Variants in ABR observed in about 807,000 individuals in gnomAD.
ABR encodes the protein ABR activator of RhoGEF and GTPase, also known as active breakpoint cluster region-related protein.
ABR carries 35 observed loss-of-function variants against 107.2 expected under a neutral mutation model. The observed-to-expected ratio is 0.33, with a 90% confidence interval of 0.25 to 0.43. The LOEUF is 0.43. Ranked by LOEUF, ABR falls within the 20% of genes least tolerant of loss-of-function variation. The probability of loss-of-function intolerance (pLI) is 1.00; values close to 1 mark genes in which losing one functional copy is unlikely to be tolerated. For synonymous variants in ABR, 498 were observed against 462.0 expected (o/e 1.08, Z -1.00); for missense variants, 815 against 1,115.2 (o/e 0.73, Z 3.83).
intron 10 of ABR, among the ~76,000 whole-genome samples, chr17:1,063,465 C>G (rs1317087251): frequency 5.4e-5 from 8 of 149,288 alleles, no homozygotes; most frequent in Non-Finnish European, 1.1e-4. Context: ...GCATGTTCCT[C>G]TAGACGCTGT....
chr17:1,195,037 G>T (rs1458530937), intron 1 of ABR, among the ~76,000 whole-genome samples: 1 of 147,662 alleles, frequency 6.8e-6, no homozygotes, highest in African/African-American at 2.5e-5. Flanking sequence ...GCCAGGCGCG[G>T]TGGCTCACGC....
intron 2 of ABR, among the ~76,000 whole-genome samples, chr17:1,104,348 T>C (rs2038103693): frequency 6.6e-6 from 1 of 151,446 alleles, no homozygotes; most frequent in Non-Finnish European, 1.5e-5. Flanking sequence ...CTCCACAGAG[T>C]TGAGAGGCTA....
chr17:1,157,444 T>A lies in ABR; in HGVS notation c.61+22223A>T, dbSNP rs1055867939. 2.0e-5 allele frequency among the ~76,000 whole-genome samples: 3 copies of A among 152,034 alleles called. No individual in the cohort carries two copies. The highest frequency in any genetic ancestry group is 2.1e-4 in the South Asian group (1 of 4,824). ...TTTTATATTTTTAATAGAGACAGGG[T>A]CTCACCATGTTGGCCAGGCTGGTCT... On this transcript the variant is annotated intron_variant, in intron 1 of 22. Transcript: ENST00000302538. This position sits in a 1 kb window ranked among gnomAD's most constrained non-coding sequence, Gnocchi z 4.7.
intron 2 of ABR, among the ~76,000 whole-genome samples, chr17:1,101,958 C>T (rs1209497809): frequency 6.6e-6 from 1 of 152,116 alleles, no homozygotes; most frequent in East Asian, 1.9e-4. Context: ...TGGTCTCGAT[C>T]TCCTGACCTC....
At chr17:1,075,032 C>T (rs2035586382) in intron 6 of ABR, among the ~76,000 whole-genome samples, 1 of 152,250 alleles carries the variant, frequency 6.6e-6, no homozygotes, top group African/African-American at 2.4e-5. Context: ...TTAGGCCTCA[C>T]ATATGAGAGC....
In ABR at chr17:1,019,177, T is replaced by C. The variant is rs538575591; in HGVS notation, c.1792-6013A>G. Among the ~76,000 whole-genome samples, 9 of 152,290 alleles carry C rather than the reference T, an allele frequency of 5.9e-5. No individual in the cohort carries two copies. The East Asian group carries it at 1.2e-3, about 20-fold the overall frequency. ...TCCGCTCCAGCTGCCAGGTTCAACC[T>C]GGGCACATCTGACCCAGGACTGCAC... On this transcript the variant is annotated intron_variant, in intron 16 of 22. Coordinates refer to ENST00000302538, the MANE Select transcript of ABR (RefSeq NM_021962.5).
chr17:1,126,540 T>TG (rs887944438), intron 1 of ABR: 1 of 152,284 alleles, frequency 6.6e-6, no homozygotes, highest in South Asian at 2.1e-4. Context: ...CCGGCAGCCT[T>TG]GGGGCCAGCA....
intron 1 of ABR, among the ~76,000 whole-genome samples, chr17:1,130,388 C>T (rs1365345933): frequency 6.6e-6 from 1 of 152,032 alleles, no homozygotes; most frequent in African/African-American, 2.4e-5. Context: ...TCCTCCCCAC[C>T]CTCACCAACT....
At chr17:1,172,862 A>G (rs1038754673) in intron 1 of ABR, among the ~76,000 whole-genome samples, 3 of 152,016 alleles carry the variant, frequency 2.0e-5, no homozygotes, top group Admixed American at 2.0e-4. Flanking sequence ...TCACAGCCCC[A>G]GAGATGGGTG....
At position 1,108,903 on chromosome 17, in the gene ABR, C is replaced by G. The variant is rs547570330; in HGVS notation, c.247-8168G>C. The G allele has an allele frequency of 9.0e-5, 141 of 1,563,262 alleles. 1 individual carries two copies. In the East Asian group the frequency reaches 3.1e-3, roughly 34 times the overall value. ...CCTTCGGCAGCGCCGGCCCGGCCCC[C>G]CCCAGCGCCCAGGGCGTGTCACGCT... On this transcript the variant is annotated intron_variant, in intron 2 of 22. Transcript: ENST00000302538.
intron 1 of ABR, among the ~76,000 whole-genome samples, chr17:1,213,756 G>A (rs1226152271): frequency 2.0e-5 from 3 of 152,052 alleles, no homozygotes; most frequent in Non-Finnish European, 4.4e-5. Flanking sequence ...CGCAAACTGT[G>A]CAAAGATACT....
intron 3 of ABR, among the ~76,000 whole-genome samples, chr17:1,098,326 C>G (rs905459808): frequency 6.6e-6 from 1 of 152,138 alleles, no homozygotes; most frequent in South Asian, 2.1e-4. Context: ...ATCCGCCCAC[C>G]TCAGCCTCCC....
rs141763727 is a variant in ABR, at chr17:1,177,551, C to T, written c.61+2116G>A. 3.3e-4 allele frequency among the ~76,000 whole-genome samples: 51 copies of T among 152,288 alleles called. No individual in the cohort carries two copies. In the East Asian group the frequency reaches 9.5e-3, roughly 28 times the overall value. ...CAGGAATTTTCAAGGTGGCCTCAGG[C>T]AATTTTGCTTTTTTGCTCCAGGCGT... On this transcript the variant is annotated intron_variant, in intron 1 of 22. Transcript: ENST00000302538.
chr17:1,094,957 C>T (rs1376290791), intron 3 of ABR, among the ~76,000 whole-genome samples: 1 of 152,086 alleles, frequency 6.6e-6, no homozygotes, highest in Non-Finnish European at 1.5e-5. Flanking sequence ...GCTTTGGGGA[C>T]TCCCCACCCT....
At chr17:1,193,789 G>T (rs930076775) in intron 1 of ABR, among the ~76,000 whole-genome samples, 13 of 151,874 alleles carry the variant, frequency 8.6e-5, no homozygotes, top group Non-Finnish European at 1.6e-4. Flanking sequence ...CTCCCAGGTT[G>T]AAGCGATTCA....
At chr17:1,211,666 C>G (rs1401073005) in intron 1 of ABR, among the ~76,000 whole-genome samples, 2 of 152,190 alleles carry the variant, frequency 1.3e-5, no homozygotes, top group African/African-American at 4.8e-5. Flanking sequence ...ATCCTCACAG[C>G]TAGTAAGGGG....
At chr17:1,020,004 G>A (rs924450457) in intron 16 of ABR, among the ~76,000 whole-genome samples, 1 of 152,202 alleles carries the variant, frequency 6.6e-6, no homozygotes, top group African/African-American at 2.4e-5. Flanking sequence ...AAAACATCGT[G>A]GAGCCAAAAG....
rs756316337 is a variant in ABR at position 1,006,051 on chromosome 17, C to T, written c.*29G>A. On this transcript the variant is annotated 3_prime_UTR_variant, in exon 23 of 23. Transcript: ENST00000302538. ...CCCCAGGCTGGAGGGGCTGGTTCCA[C>T]CACCCGCCCGCAGCCACCCTGCCTC... 1 of 1,537,244 alleles carries T rather than the reference C, an allele frequency of 6.5e-7. No homozygotes were observed. Among genetic ancestry groups the T allele is most frequent in the Admixed American group, 2.0e-5 (1 of 51,104 alleles).
At position 1,113,277 on chromosome 17, in the gene ABR, GATTT is replaced by G. The variant is rs1386281755; in HGVS notation, c.246+11902_246+11905del. On this transcript the variant is annotated intron_variant, in intron 2 of 22. Transcript: ENST00000302538. ...GGGATAACATGGAAACACCTATTGC[GATTT>G]TTTTTTTTTTTTTTTTTTTTTTTGA... 4.5e-4 allele frequency among the ~76,000 whole-genome samples: 40 copies of G among 88,206 alleles called. 2 individuals are homozygous for G. The highest frequency in any genetic ancestry group is 1.9e-3 in the African/African-American group (37 of 19,766). 57.9% of individuals were successfully genotyped at this position (88,206 alleles called of 152,430 possible).
Sources: allele counts gnomAD v4.1 joint callset (sites outside exome capture counted in the v4.1 genomes callset), GRCh38; gene constraint gnomAD v4.1.1; non-coding constraint Gnocchi (gnomAD v3.1); transcripts MANE v1.5; gene names NCBI Gene and HGNC (gene_info 2026-07-23, HGNC 2026-07-21).